Variants in EXOC4 observed in about 807,000 individuals in gnomAD.
The protein encoded by EXOC4 is exocyst complex component 4.
A neutral mutation model predicts 107.2 loss-of-function variants in EXOC4; 71 were observed. That is an observed-to-expected ratio of 0.66 (90% CI 0.55 to 0.81). EXOC4 has a LOEUF of 0.81. EXOC4 is among the 30% of genes least tolerant of loss of function. The probability of loss-of-function intolerance (pLI) is 0.00; values close to 1 mark genes in which losing one functional copy is unlikely to be tolerated. For synonymous variants in EXOC4, 456 were observed against 441.2 expected, an observed-to-expected ratio of 1.03 and a Z score of -0.42; for missense variants, 1,108 against 1,189.6, an observed-to-expected ratio of 0.93 and a Z score of 1.01.
At chr7:133,375,999 T>A (rs1314266728) in intron 7 of EXOC4, among the ~76,000 whole-genome samples, 1 of 152,188 alleles carries the variant, frequency 6.6e-6, no homozygotes, top group African/African-American at 2.4e-5. Context: ...TGAAAAAAAT[T>A]AAGTATATGT....
chr7:133,740,183 A>C (rs373513622), intron 10 of EXOC4, among the ~76,000 whole-genome samples: 20 of 152,298 alleles, frequency 1.3e-4, no homozygotes, highest in Middle Eastern at 3.4e-3. Context: ...GAACTATATG[A>C]AATAAAATTC....
chr7:133,829,454 A>T (rs1040487517), intron 11 of EXOC4, among the ~76,000 whole-genome samples: 1 of 152,210 alleles, frequency 6.6e-6, no homozygotes, highest in African/African-American at 2.4e-5. Flanking sequence ...AAGGGGAGAC[A>T]GAAAGTTTTA....
intron 10 of EXOC4, among the ~76,000 whole-genome samples, chr7:133,707,623 T>A (rs535573242): frequency 6.6e-6 from 1 of 152,124 alleles, no homozygotes; most frequent in Admixed American, 6.5e-5. Flanking sequence ...ATTTATTTAT[T>A]TATTTTTTTT....
intron 7 of EXOC4, among the ~76,000 whole-genome samples, chr7:133,472,263 G>T (rs565198846): frequency 6.4e-4 from 98 of 152,130 alleles, no homozygotes; most frequent in Non-Finnish European, 3.2e-4. Flanking sequence ...GGAAAGAGAT[G>T]AGAGGCAGAA....
At chr7:133,660,682 A>G (rs764579429) in intron 10 of EXOC4, among the ~76,000 whole-genome samples, 3 of 152,208 alleles carry the variant, frequency 2.0e-5, no homozygotes, top group Non-Finnish European at 4.4e-5. Flanking sequence ...TAAAAAAATT[A>G]TTCTTCACTT....
intron 10 of EXOC4, among the ~76,000 whole-genome samples, chr7:133,747,801 C>T (rs112680683): frequency 5.3e-5 from 8 of 152,254 alleles, no homozygotes; most frequent in African/African-American, 1.4e-4. Flanking sequence ...TTCATCCCCA[C>T]GCCAACATAA....
chr7:133,736,270 C>A (rs2151123012), intron 10 of EXOC4, among the ~76,000 whole-genome samples: 1 of 152,258 alleles, frequency 6.6e-6, no homozygotes, highest in East Asian at 1.9e-4. Flanking sequence ...CTTTAACCAC[C>A]CACTGACTCT....
intron 10 of EXOC4, among the ~76,000 whole-genome samples, chr7:133,786,170 A>C (rs544441241): frequency 6.6e-6 from 1 of 152,326 alleles, no homozygotes; most frequent in African/African-American, 2.4e-5. Context: ...TGTCTCGTAG[A>C]ATCTAACCCT....
chr7:133,981,887 A>G (rs1793988157), intron 14 of EXOC4, among the ~76,000 whole-genome samples: 1 of 152,232 alleles, frequency 6.6e-6, no homozygotes, highest in Admixed American at 6.5e-5. Flanking sequence ...GATAAAGAAA[A>G]TGTGGTCCAT....
At chr7:133,959,729 A>G (rs1800897859) in intron 14 of EXOC4, among the ~76,000 whole-genome samples, 1 of 152,066 alleles carries the variant, frequency 6.6e-6, no homozygotes, top group African/African-American at 2.4e-5. Context: ...AAGTTTTTCT[A>G]GAAAGTACAT....
At position 134,013,222 on chromosome 7, in the gene EXOC4, C is replaced by A. The variant is rs140250544; in HGVS notation, c.2687+5387C>A. ...AAGGTCAGTATCAACATGCATAAATCATGTTGACAGTATGTCTATGTGCCC... is the reference window on the plus strand; with the variant it reads ...AAGGTCAGTATCAACATGCATAAATAATGTTGACAGTATGTCTATGTGCCC... On this transcript the variant is annotated intron_variant, in intron 17 of 17. Coordinates refer to ENST00000253861, the MANE Select transcript of EXOC4 (RefSeq NM_021807.4). Among the ~76,000 whole-genome samples the A allele has an allele frequency of 3.0e-3, 461 of 152,264 alleles. 4 individuals carry two copies. Among genetic ancestry groups the A allele is most frequent in the Admixed American group, 6.5e-3 (99 of 15,294 alleles).
intron 7 of EXOC4, among the ~76,000 whole-genome samples, chr7:133,378,817 A>G (rs1265204494): frequency 6.6e-6 from 1 of 152,130 alleles, no homozygotes; most frequent in Non-Finnish European, 1.5e-5. Context: ...AACAATAAAA[A>G]ACAAAGATAG....
At chr7:133,395,916 A>AT (rs562900911) in intron 7 of EXOC4, among the ~76,000 whole-genome samples, 77 of 149,524 alleles carry the variant, frequency 5.1e-4, no homozygotes, top group Middle Eastern at 3.5e-3. Flanking sequence ...ATGATGATTG[A>AT]TTTTTTTTTT....
At chr7:133,296,605 G>C (rs1363846345) in intron 3 of EXOC4, among the ~76,000 whole-genome samples, 2 of 152,048 alleles carry the variant, frequency 1.3e-5, no homozygotes, top group Non-Finnish European at 2.9e-5. Flanking sequence ...TGCTGCTCAA[G>C]GCCCTTTTTA....
intron 7 of EXOC4, among the ~76,000 whole-genome samples, chr7:133,401,906 T>G (rs576270489): frequency 1.3e-5 from 2 of 152,324 alleles, no homozygotes; most frequent in African/African-American, 4.8e-5. Context: ...GGCAAATCAC[T>G]ACCCAAAACA....
chr7:133,994,611 G>A (rs906603679), intron 14 of EXOC4, among the ~76,000 whole-genome samples: 42 of 152,170 alleles, frequency 2.8e-4, no homozygotes, highest in African/African-American at 8.7e-4. Context: ...CCTAGTATTA[G>A]GAAAACAGCT....
At chr7:133,522,500 A>G (rs1799998980) in intron 9 of EXOC4, among the ~76,000 whole-genome samples, 1 of 152,162 alleles carries the variant, frequency 6.6e-6, no homozygotes, top group East Asian at 1.9e-4. Flanking sequence ...CTTCTGAATA[A>G]CAAATAATAT....
intron 6 of EXOC4, among the ~76,000 whole-genome samples, chr7:133,366,682 G>A (rs1465178783): frequency 1.3e-5 from 2 of 152,096 alleles, no homozygotes; most frequent in Non-Finnish European, 2.9e-5. Flanking sequence ...CTGTAATCAG[G>A]CCTCTCTCCC....
intron 9 of EXOC4, among the ~76,000 whole-genome samples, chr7:133,499,569 T>G (rs1030563167): frequency 7.2e-5 from 11 of 152,180 alleles, no homozygotes; most frequent in Non-Finnish European, 1.5e-4. Context: ...TATTTTGTTT[T>G]CATAATCATT....
Sources: gnomAD v4.1 joint callset for allele counts (sites outside exome capture counted in the v4.1 genomes callset) on GRCh38, gnomAD v4.1.1 for gene constraint, MANE v1.5 for transcripts, NCBI Gene and HGNC (gene_info 2026-07-23, HGNC 2026-07-21) for gene names.